Variants in SCIMP observed in about 807,000 individuals in gnomAD.
SCIMP encodes SLP adapter and CSK-interacting membrane protein.
Under a neutral mutation model 22.0 loss-of-function variants are expected in SCIMP, and 18 were observed. The ratio of observed to expected loss-of-function variants is 0.82; its 90% CI spans 0.56 to 1.21. The LOEUF is 1.21. SCIMP is among the 50% of genes most tolerant of loss of function. SCIMP has a pLI of 0.00. For synonymous variants in SCIMP, 53 were observed against 62.2 expected (o/e 0.85, Z 0.70); for missense variants, 155 against 171.2 (o/e 0.91, Z 0.53).
At chr17:5,221,596 A>G (rs1405957340) in intron 2 of SCIMP, among the ~76,000 whole-genome samples, 4 of 152,182 alleles carry the variant, frequency 2.6e-5, no homozygotes, top group Admixed American at 2.6e-4. Context: ...ATGAATAATC[A>G]AAAGTGTGGT....
At position 5,217,586 on chromosome 17, in the gene SCIMP, C is replaced by T. The variant is rs576043125; in HGVS notation, c.210-2588G>A. Among the ~76,000 whole-genome samples the T allele has an allele frequency of 9.1e-3, 1,185 of 130,580 alleles. 55 individuals carry two copies. Among genetic ancestry groups the T allele is most frequent in the Admixed American group, 0.074 (916 of 12,458 alleles). The allele number at this position is 130,580 out of a possible 152,430, so 85.7% of individuals were successfully genotyped here. ...CCTCCCCCCACCCCACAACAGTCCC[C>T]GGTGTGTGATGTTCCCCTTCCTGTG... On this transcript the variant is annotated intron_variant, in intron 3 of 4. Transcript: ENST00000574081.
chr17:5,225,597 C>A (rs560703700), intron 1 of SCIMP, among the ~76,000 whole-genome samples: 1 of 151,764 alleles, frequency 6.6e-6, no homozygotes, highest in South Asian at 2.1e-4. Flanking sequence ...CCCTTCTCTA[C>A]TAAAAATACA....
Position 5,209,053 on chromosome 17 carries a change from T to G in SCIMP, c.*1748A>C, listed in dbSNP as rs187023915. ...GTTCTATAATTTGGGAAGAGTCCTC[T>G]CTTTGGCTGGTGGGATACCAGAGTC... On this transcript the variant is annotated 3_prime_UTR_variant, in exon 5 of 5. Transcript: ENST00000574081. 33 of 152,346 alleles carry G rather than the reference T, an allele frequency of 2.2e-4. No homozygotes were observed. The highest frequency in any genetic ancestry group is 7.7e-4 in the African/African-American group (32 of 41,582). 9.4% of individuals were successfully genotyped at this position (152,346 alleles called of 1,614,324 possible).
chr17:5,223,913 T>C (rs2074627548), intron 1 of SCIMP, among the ~76,000 whole-genome samples: 1 of 152,188 alleles, frequency 6.6e-6, no homozygotes, highest in Admixed American at 6.5e-5. Flanking sequence ...ATCACAGCCA[T>C]ACCCTACTCA....
chr17:5,234,156 A>C (rs1028282479), intron 1 of SCIMP, among the ~76,000 whole-genome samples: 10 of 152,144 alleles, frequency 6.6e-5, no homozygotes, highest in African/African-American at 2.4e-4. Flanking sequence ...CTGTAATCCC[A>C]GCTACTCAGG....
intron 1 of SCIMP, among the ~76,000 whole-genome samples, chr17:5,229,642 C>T (rs1424339432): frequency 1.3e-5 from 2 of 152,022 alleles, no homozygotes; most frequent in Non-Finnish European, 2.9e-5. Flanking sequence ...GTGATCCACC[C>T]GCCTTGGCCT....
At chr17:5,215,026 G>A (rs765269506) in intron 3 of SCIMP, 28 bp from the exon 4 acceptor site, 62 of 1,515,364 alleles carry the variant, frequency 4.1e-5, no homozygotes, top group Admixed American at 6.7e-5. Flanking sequence ...GAGAGAATCA[G>A]TGTTTGGTTT....
rs561197807 is a variant in SCIMP, at chr17:5,215,058, G to A, written c.210-60C>T. 1.8e-4 allele frequency: 185 copies of A among 1,027,758 alleles called. 1 individual carries two copies. In the African/African-American group the frequency reaches 2.3e-3, roughly 13 times the overall value. 63.7% of individuals were successfully genotyped at this position (1,027,758 alleles called of 1,614,324 possible). A position where few individuals can be genotyped will look rare whatever the true frequency, so the allele number is the denominator to read the frequency against. ...GTTTGGGCCATGCCTGCTCCCAGCC[G>A]ATTTAAGAGAAAACATCAAGGAAAG... On this transcript the variant is annotated intron_variant, in intron 3 of 4. Transcript: ENST00000574081.
intron 1 of SCIMP, among the ~76,000 whole-genome samples, chr17:5,232,897 A>C (rs1323398021): frequency 1.3e-5 from 2 of 152,030 alleles, no homozygotes; most frequent in Non-Finnish European, 2.9e-5. Context: ...TTTTTAGTAG[A>C]GATGGGGTTT....
chr17:5,220,702 C>T (rs1050943354), intron 3 of SCIMP, among the ~76,000 whole-genome samples: 1 of 151,320 alleles, frequency 6.6e-6, no homozygotes, highest in Non-Finnish European at 1.5e-5. Flanking sequence ...CGAGATTGCG[C>T]CACTGCATTC....
At chr17:5,233,673 C>T (rs1444723097) in intron 1 of SCIMP, among the ~76,000 whole-genome samples, 2 of 152,126 alleles carry the variant, frequency 1.3e-5, no homozygotes, top group African/African-American at 2.4e-5. Context: ...GCCCCGCCTG[C>T]CTCTCAGTAG....
chr17:5,227,075 G>A (rs2074654840), intron 1 of SCIMP, among the ~76,000 whole-genome samples: 1 of 152,204 alleles, frequency 6.6e-6, no homozygotes, highest in South Asian at 2.1e-4. Flanking sequence ...GGCAGACCTG[G>A]AGTTGTTGCC....
intron 1 of SCIMP, among the ~76,000 whole-genome samples, chr17:5,232,074 C>T (rs868172144): frequency 1.4e-5 from 2 of 139,474 alleles, no homozygotes; most frequent in Non-Finnish European, 3.2e-5. Flanking sequence ...AAAAAAAAAA[C>T]TGGTCACCTC....
At chr17:5,215,019 A>G in intron 3 of SCIMP, 21 bp from the exon 4 acceptor site, 1 of 1,549,906 alleles carries the variant, frequency 6.5e-7, no homozygotes. Context: ...AGAAAGAGAG[A>G]GAATCAGTGT....
intron 4 of SCIMP, among the ~76,000 whole-genome samples, 160 bp from the exon 5 acceptor site, chr17:5,211,115 G>A (rs534903352): frequency 1.3e-5 from 2 of 152,304 alleles, no homozygotes; most frequent in Admixed American, 1.3e-4. Flanking sequence ...ACCTGACAGA[G>A]CCTCAGGATC....
chr17:5,224,990 A>T (rs1323349278), intron 1 of SCIMP, among the ~76,000 whole-genome samples: 1 of 152,186 alleles, frequency 6.6e-6, no homozygotes, highest in Non-Finnish European at 1.5e-5. Context: ...AAGTCTCGGA[A>T]AAGGTTAGCA....
intron 3 of SCIMP, among the ~76,000 whole-genome samples, chr17:5,216,155 T>C (rs746741818): frequency 1.3e-5 from 2 of 151,948 alleles, no homozygotes; most frequent in Non-Finnish European, 1.5e-5. Context: ...TGAGCTATGA[T>C]TGCACCACTG....
At chr17:5,217,379 CTTGTGT>C (rs2074572689) in intron 3 of SCIMP, among the ~76,000 whole-genome samples, 1 of 101,868 alleles carries the variant, frequency 9.8e-6, no homozygotes, top group African/African-American at 4.4e-5. Context: ...TTTTTGTTTG[CTTGTGT>C]GTGTGTGTGT....
intron 4 of SCIMP, among the ~76,000 whole-genome samples, chr17:5,211,856 G>A (rs1407255155): frequency 2.0e-5 from 3 of 152,172 alleles, no homozygotes; most frequent in South Asian, 2.1e-4. Flanking sequence ...TCGGGAGTTC[G>A]AGACCAGCCT....
Sources: allele counts gnomAD v4.1 joint callset (sites outside exome capture counted in the v4.1 genomes callset), GRCh38; gene constraint gnomAD v4.1.1; transcripts MANE v1.5; gene names NCBI Gene and HGNC (gene_info 2026-07-23, HGNC 2026-07-21).